Variants in AK5 observed in about 807,000 individuals in gnomAD.
AK5 encodes the protein adenylate kinase 5, also known as adenylate kinase isoenzyme 5.
Under a neutral mutation model 69.5 loss-of-function variants are expected in AK5, and 27 were observed. The observed-to-expected ratio is 0.39, with a 90% CI of 0.29 to 0.54. The LOEUF (loss-of-function observed/expected upper bound fraction) is 0.54. AK5 is among the 20% of genes least tolerant of loss of function. AK5 has a pLI of 0.71. For missense variants in AK5, 531 were observed against 700.4 expected, an observed-to-expected ratio of 0.76 and a Z score of 2.73; for synonymous variants, 260 against 244.4, an observed-to-expected ratio of 1.06 and a Z score of -0.60.
chr1:77,306,205 T>A (rs1659627136), intron 5 of AK5, among the ~76,000 whole-genome samples: 1 of 152,224 alleles, frequency 6.6e-6, no homozygotes, highest in Non-Finnish European at 1.5e-5. Flanking sequence ...AGTATGATAC[T>A]AGCTGTGGGT....
At chr1:77,388,794 G>C (rs1648212456) in intron 6 of AK5, among the ~76,000 whole-genome samples, 1 of 151,770 alleles carries the variant, frequency 6.6e-6, no homozygotes, top group Admixed American at 6.6e-5. Flanking sequence ...TTCTCCACTT[G>C]GCCAAAAGGA....
chr1:77,409,271 A>G (rs1649874554), intron 6 of AK5, among the ~76,000 whole-genome samples: 1 of 152,204 alleles, frequency 6.6e-6, no homozygotes, highest in African/African-American at 2.4e-5. Flanking sequence ...TCCGCCAGGT[A>G]TATGCCCAGT....
chr1:77,385,199 G>A (rs1014099530), intron 6 of AK5, among the ~76,000 whole-genome samples: 7 of 151,746 alleles, frequency 4.6e-5, no homozygotes, highest in African/African-American at 1.7e-4. Context: ...TCGCTCTGTC[G>A]CCCAGGCTGG....
At position 77,535,862 on chromosome 1, in the gene AK5, T is replaced by G; in HGVS notation, c.1444T>G (p.Leu482Val). The G allele has an allele frequency of 6.2e-7, 1 of 1,612,324 alleles. No homozygotes were observed. ...CCATCTCCAGATTGGAGACCCACAG[T>G]TGGTGATCTGTATGGACTGCTCGGC... ...EFGRRIGDPQ[L>V]VICMDCSADT... Residue 482 changes from leucine to valine, a missense_variant, in exon 13 of 14, where the codon TTG becomes GTG. By Grantham distance (32) the Leu-to-Val change is conservative (BLOSUM62 1). Transcript: ENST00000354567.
intron 1 of AK5, among the ~76,000 whole-genome samples, chr1:77,283,795 G>A (rs7517796): frequency 0.099 from 15,076 of 151,992 alleles, 917 homozygotes; most frequent in East Asian, 0.2. Context: ...ATTAAGAGGC[G>A]AAGGTTTTTC....
intron 5 of AK5, among the ~76,000 whole-genome samples, chr1:77,304,533 A>G (rs1436652206): frequency 2.0e-5 from 3 of 151,954 alleles, no homozygotes; most frequent in Non-Finnish European, 4.4e-5. Context: ...AGCCTCCTGA[A>G]TAGCTCAGTT....
chr1:77,337,225 T>C (rs929715110), intron 5 of AK5, among the ~76,000 whole-genome samples: 8 of 152,184 alleles, frequency 5.3e-5, no homozygotes, highest in Non-Finnish European at 8.8e-5. Context: ...AGACAAAATA[T>C]AGTGATGATT....
chr1:77,405,134 G>A (rs754583647), intron 6 of AK5, among the ~76,000 whole-genome samples: 29 of 152,292 alleles, frequency 1.9e-4, no homozygotes, highest in Non-Finnish European at 2.9e-4. Context: ...TCAGCCGTAG[G>A]GTCTCAAAGA....
intron 5 of AK5, among the ~76,000 whole-genome samples, chr1:77,311,437 T>A (rs1355766172): frequency 6.6e-6 from 1 of 152,118 alleles, no homozygotes; most frequent in African/African-American, 2.4e-5. Flanking sequence ...ACTGGCTAAT[T>A]TATGGACCCT....
intron 8 of AK5, among the ~76,000 whole-genome samples, chr1:77,463,154 G>C (rs531625608): frequency 6.6e-6 from 1 of 152,140 alleles, no homozygotes; most frequent in Admixed American, 6.5e-5. Flanking sequence ...GTTTAAGAAG[G>C]GCCCAATAAC....
At chr1:77,427,989 G>A (rs68087426) in intron 8 of AK5, among the ~76,000 whole-genome samples, 8,243 of 152,292 alleles carry the variant, frequency 0.054, 309 homozygotes, top group East Asian at 0.13. Flanking sequence ...AGCTATTCAT[G>A]AAGGATCTGC....
chr1:77,501,453 A>G (rs1656713735), intron 10 of AK5, among the ~76,000 whole-genome samples: 1 of 152,236 alleles, frequency 6.6e-6, no homozygotes, highest in Admixed American at 6.5e-5. Context: ...TAGACAGTGT[A>G]GCCTACTATG....
intron 5 of AK5, among the ~76,000 whole-genome samples, chr1:77,304,856 C>T (rs780145159): frequency 2.6e-5 from 4 of 152,182 alleles, no homozygotes; most frequent in African/African-American, 4.8e-5. Context: ...ATATACCCAG[C>T]AGTGGGATTG....
intron 6 of AK5, among the ~76,000 whole-genome samples, chr1:77,402,355 T>A (rs1570507726): frequency 6.6e-6 from 1 of 152,226 alleles, no homozygotes; most frequent in East Asian, 1.9e-4. Context: ...GCAGGTTTGT[T>A]ACATATGTAT....
At chr1:77,470,825 G>A (rs1654412702) in intron 8 of AK5, among the ~76,000 whole-genome samples, 3 of 66,100 alleles carry the variant, frequency 4.5e-5, no homozygotes, top group Non-Finnish European at 5.3e-5. Flanking sequence ...GGCACATTTA[G>A]AATATATATA....
intron 5 of AK5, chr1:77,313,779 T>C: frequency 1.9e-6 from 1 of 528,522 alleles, no homozygotes; most frequent in Non-Finnish European, 3.9e-6. Context: ...TGTTACTTCT[T>C]TTACTTCTTT....
chr1:77,356,991 T>C (rs1342724101), intron 6 of AK5, among the ~76,000 whole-genome samples: 3 of 152,158 alleles, frequency 2.0e-5, no homozygotes, highest in Non-Finnish European at 4.4e-5. Context: ...TGTGTTGATT[T>C]TTTCTCTCTT....
chr1:77,300,672 T>C (rs1164107630), intron 5 of AK5, among the ~76,000 whole-genome samples: 1 of 152,172 alleles, frequency 6.6e-6, no homozygotes, highest in East Asian at 1.9e-4. Context: ...TTGGACACTA[T>C]CCAGAGTTAG....
At chr1:77,407,080 TAAAAA>T (rs61188538) in intron 6 of AK5, among the ~76,000 whole-genome samples, 13,481 of 146,804 alleles carry the variant, frequency 0.092, 811 homozygotes, top group African/African-American at 0.16. Flanking sequence ...CATAATGAGG[TAAAAA>T]AAAAAAAAAA....
Sources: gnomAD v4.1 joint callset for allele counts (sites outside exome capture counted in the v4.1 genomes callset) on GRCh38, gnomAD v4.1.1 for gene constraint, MANE v1.5 for transcripts, NCBI Gene and HGNC (gene_info 2026-07-23, HGNC 2026-07-21) for gene names.